The following NCKAP5 variants were observed in gnomAD, a reference collection of about 807,000 sequenced individuals.
NCKAP5 encodes the protein nck-associated protein 5.
A neutral mutation model predicts 167.0 loss-of-function variants in NCKAP5; 92 were observed. The ratio of observed to expected loss-of-function variants is 0.55; its 90% CI spans 0.47 to 0.66. The LOEUF is 0.66. NCKAP5 is among the 30% of genes least tolerant of loss of function. The probability of loss-of-function intolerance (pLI) is 0.00; values close to 1 mark genes in which losing one functional copy is unlikely to be tolerated. For synonymous variants in NCKAP5, 891 were observed against 877.4 expected (o/e 1.02, Z -0.27); for missense variants, 2,378 against 2,315.0 (o/e 1.03, Z -0.56).
At chr2:132,925,782 T>A (rs973833120) in intron 8 of NCKAP5, among the ~76,000 whole-genome samples, 1 of 152,056 alleles carries the variant, frequency 6.6e-6, no homozygotes, top group Non-Finnish European at 1.5e-5. Flanking sequence ...TCATCTTCAA[T>A]AGTTGAGGAA....
chr2:133,313,363 C>T lies in NCKAP5; in HGVS notation c.70-10253G>A, dbSNP rs141252391. ...GAGGGCAGAAGTTAAGTTGTATTCTCCCATTCAGTATTCTATTCTATTAAT... is the reference window on the plus strand; with the variant it reads ...GAGGGCAGAAGTTAAGTTGTATTCTTCCATTCAGTATTCTATTCTATTAAT... On this transcript the variant is annotated intron_variant, in intron 3 of 19. Transcript: ENST00000409261. 2.0e-4 allele frequency among the ~76,000 whole-genome samples: 30 copies of T among 151,018 alleles called. No homozygotes were observed. In the East Asian group the frequency reaches 5.6e-3, roughly 28 times the overall value.
At chr2:133,357,573 T>C (rs1028725961) in intron 3 of NCKAP5, among the ~76,000 whole-genome samples, 2 of 152,198 alleles carry the variant, frequency 1.3e-5, no homozygotes, top group African/African-American at 4.8e-5. Context: ...TCTTCATGGA[T>C]AGAAAAGGTA....
At chr2:133,582,461 G>C in the NCKAP5 span, among the ~76,000 whole-genome samples, 5 of 152,152 alleles carry the variant, frequency 3.3e-5, no homozygotes, top group Admixed American at 1.3e-4. Flanking sequence ...CCTTCAGCTA[G>C]ATCTAATCCA....
intron 6 of NCKAP5, among the ~76,000 whole-genome samples, chr2:133,029,512 C>A (rs2078811224): frequency 6.6e-6 from 1 of 152,150 alleles, no homozygotes; most frequent in South Asian, 2.1e-4. Context: ...TAGATAACAC[C>A]ATTGTGGATC....
intron 6 of NCKAP5, among the ~76,000 whole-genome samples, chr2:133,104,178 A>G (rs1386436371): frequency 6.6e-6 from 1 of 152,208 alleles, no homozygotes; most frequent in Non-Finnish European, 1.5e-5. Flanking sequence ...TTCTTACCAA[A>G]TAACAGAGAA....
chr2:132,796,250 A>C (rs1684595913), intron 12 of NCKAP5, among the ~76,000 whole-genome samples: 1 of 152,204 alleles, frequency 6.6e-6, no homozygotes, highest in Non-Finnish European at 1.5e-5. Flanking sequence ...GCTAGAGAAA[A>C]AAAATGCAGA....
At chr2:133,279,810 C>T (rs1311361236) in intron 4 of NCKAP5, among the ~76,000 whole-genome samples, 2 of 152,102 alleles carry the variant, frequency 1.3e-5, no homozygotes, top group African/African-American at 4.8e-5. Flanking sequence ...GGCTTGGTAA[C>T]AAAACAAATA....
chr2:132,817,771 A>G (rs1686390644), intron 11 of NCKAP5, among the ~76,000 whole-genome samples: 1 of 152,138 alleles, frequency 6.6e-6, no homozygotes, highest in Admixed American at 6.5e-5. Flanking sequence ...TGCTTCACCC[A>G]CAACTGACCA....
intron 16 of NCKAP5, among the ~76,000 whole-genome samples, chr2:132,770,320 T>C (rs1416356385): frequency 1.3e-5 from 2 of 150,108 alleles, no homozygotes; most frequent in Non-Finnish European, 3.0e-5. Context: ...CTTTTAATTC[T>C]ATAAGATGAT....
At chr2:133,192,370 C>T (rs573069853) in intron 5 of NCKAP5, among the ~76,000 whole-genome samples, 1 of 151,990 alleles carries the variant, frequency 6.6e-6, no homozygotes, top group Non-Finnish European at 1.5e-5. Flanking sequence ...CTTAGACTTG[C>T]TACCAGTAGC....
the NCKAP5 span, among the ~76,000 whole-genome samples, chr2:133,602,130 C>T: frequency 1.3e-5 from 2 of 152,150 alleles, no homozygotes; most frequent in Non-Finnish European, 2.9e-5. Context: ...TGGGAAGTGC[C>T]TCGAGGATGC....
chr2:133,026,339 T>C (rs2078698544), intron 6 of NCKAP5, among the ~76,000 whole-genome samples: 4 of 151,898 alleles, frequency 2.6e-5, no homozygotes, highest in South Asian at 2.1e-4. Flanking sequence ...ATTCTTAACA[T>C]GGTCATCTAA....
intron 6 of NCKAP5, among the ~76,000 whole-genome samples, chr2:133,075,374 G>A (rs1013899645): frequency 1.3e-5 from 2 of 152,180 alleles, no homozygotes; most frequent in African/African-American, 4.8e-5. Flanking sequence ...CTTCAAGAAG[G>A]AAGATGATAC....
intron 4 of NCKAP5, among the ~76,000 whole-genome samples, chr2:133,242,463 G>A (rs1385017469): frequency 6.6e-6 from 1 of 152,154 alleles, no homozygotes; most frequent in African/African-American, 2.4e-5. Flanking sequence ...CTGATTGGAA[G>A]CAGAAGGCAA....
intron 16 of NCKAP5, among the ~76,000 whole-genome samples, chr2:132,734,409 C>G (rs1164083087): frequency 1.3e-5 from 2 of 152,160 alleles, no homozygotes; most frequent in Non-Finnish European, 2.9e-5. Context: ...AGATCTTCAT[C>G]AGAACCGACT....
intron 2 of NCKAP5, among the ~76,000 whole-genome samples, chr2:133,524,816 T>A: frequency 6.6e-6 from 1 of 152,212 alleles, no homozygotes. Flanking sequence ...ATCAGCTCAA[T>A]AACTTTCTCC....
chr2:133,504,791 G>C (rs151226836), intron 3 of NCKAP5, among the ~76,000 whole-genome samples: 7 of 152,252 alleles, frequency 4.6e-5, no homozygotes, highest in African/African-American at 1.4e-4. Context: ...AGGCCACTGG[G>C]ACCCTGTTTC....
rs1226877275 is a variant in NCKAP5, at chr2:132,768,939, C to CTT, written c.5128+4875_5128+4876dup. ...CAGGTGTGAGCCACCACACCTGGCC[C>CTT]TTTTTTTTTTTTTTTTTTTTTATGA... On this transcript the variant is annotated intron_variant, in intron 16 of 19. Coordinates refer to ENST00000409261, the MANE Select transcript of NCKAP5 (RefSeq NM_207363.3). Among the ~76,000 whole-genome samples the CTT allele has an allele frequency of 1.4e-3, 162 of 116,302 alleles. 3 individuals carry two copies. The highest frequency in any genetic ancestry group is 3.8e-3 in the African/African-American group (110 of 29,004). 76.3% of individuals were successfully genotyped at this position (116,302 alleles called of 152,430 possible).
intron 7 of NCKAP5, among the ~76,000 whole-genome samples, chr2:132,976,307 G>T (rs2149252825): frequency 6.6e-6 from 1 of 152,248 alleles, no homozygotes; most frequent in East Asian, 1.9e-4. Flanking sequence ...GCTCACATCT[G>T]TAATCCCAGC....
Sources: gnomAD v4.1 joint callset for allele counts (sites outside exome capture counted in the v4.1 genomes callset) on GRCh38, gnomAD v4.1.1 for gene constraint, MANE v1.5 for transcripts, NCBI Gene and HGNC (gene_info 2026-07-23, HGNC 2026-07-21) for gene names.